The following PTPRS variants were observed in gnomAD, a reference collection of about 807,000 sequenced individuals.
PTPRS encodes protein tyrosine phosphatase receptor type S.
PTPRS carries 63 observed loss-of-function variants against 215.3 expected under a neutral mutation model. The observed-to-expected ratio is 0.29, with a 90% CI of 0.24 to 0.36. PTPRS has a LOEUF of 0.36. Ranked by LOEUF, PTPRS falls within the 10% of genes least tolerant of loss-of-function variation. The probability of loss-of-function intolerance (pLI) is 1.00; values close to 1 mark genes in which losing one functional copy is unlikely to be tolerated. For synonymous variants in PTPRS, 1,404 were observed against 1,191.4 expected, an observed-to-expected ratio of 1.18 and a Z score of -3.68; for missense variants, 2,258 against 2,825.8, an observed-to-expected ratio of 0.80 and a Z score of 4.56.
At position 5,223,209 on chromosome 19, in the gene PTPRS, G is replaced by A. The variant is rs534718138; in HGVS notation, c.2583C>T (p.Asp861=). ...RWEPPAGTAE[D]QVLGYRLQFG... Reference sequence around the variant, plus strand: ...ACTGCAGGCGGTAGCCCAGCACCTGGTCCTCCGCGGTGCCAGCCGGGGGCT... The same window carrying A: ...ACTGCAGGCGGTAGCCCAGCACCTGATCCTCCGCGGTGCCAGCCGGGGGCT... Residue 861 remains aspartate, a synonymous_variant, in exon 18 of 38, where the codon GAC becomes GAT. Coordinates refer to ENST00000262963, the MANE Select transcript of PTPRS (RefSeq NM_002850.4). 1.3e-6 allele frequency: 2 copies of A among 1,516,268 alleles called. No homozygotes were observed. The highest frequency in any genetic ancestry group is 2.8e-5 in the African/African-American group (2 of 70,924). 93.9% of individuals were successfully genotyped at this position (1,516,268 alleles called of 1,614,324 possible). A position where few individuals can be genotyped will look rare whatever the true frequency, so the allele number is the denominator to read the frequency against.
At chr19:5,214,223 G>A (rs747930070) in intron 30 of PTPRS, 138 bp downstream of exon 30, 1 of 1,254,494 alleles carries the variant, frequency 8.0e-7, no homozygotes, top group Non-Finnish European at 1.1e-6. Flanking sequence ...GGTTCCATGA[G>A]AATGTAGTCA....
At chr19:5,313,663 G>A (rs920461585) in intron 1 of PTPRS, among the ~76,000 whole-genome samples, 1 of 152,106 alleles carries the variant, frequency 6.6e-6, no homozygotes, top group Non-Finnish European at 1.5e-5. Flanking sequence ...GGCTGGTGTG[G>A]GCGCTTCTTA....
chr19:5,241,119 C>A (rs1432038090), intron 11 of PTPRS, among the ~76,000 whole-genome samples: 1 of 151,620 alleles, frequency 6.6e-6, no homozygotes, highest in African/African-American at 2.4e-5. Context: ...AAACTCCTGA[C>A]CTCAACTGAT....
chr19:5,296,369 G>A (rs1321768197), intron 1 of PTPRS, among the ~76,000 whole-genome samples: 1 of 152,066 alleles, frequency 6.6e-6, no homozygotes, highest in Non-Finnish European at 1.5e-5. Context: ...GCCTGGTGGC[G>A]CATGACTGTG....
At chr19:5,305,762 TA>T (rs1450013020) in intron 1 of PTPRS, among the ~76,000 whole-genome samples, 2,039 of 110,622 alleles carry the variant, frequency 0.018, 21 homozygotes, top group South Asian at 0.029. Flanking sequence ...TATATATATA[TA>T]TATTTTTTTT....
At chr19:5,315,671 T>C (rs1417179932) in intron 1 of PTPRS, among the ~76,000 whole-genome samples, 1 of 150,778 alleles carries the variant, frequency 6.6e-6, no homozygotes. Context: ...GGCTAGTTTT[T>C]TGCAGAGATG....
intron 2 of PTPRS, among the ~76,000 whole-genome samples, chr19:5,284,363 AAATT>A (rs903115807): frequency 9.0e-5 from 13 of 145,024 alleles, no homozygotes; most frequent in East Asian, 2.0e-4. Context: ...CTGTCACAAA[AAATT>A]AATTAATTAA....
intron 2 of PTPRS, among the ~76,000 whole-genome samples, chr19:5,280,440 C>T (rs1237506423): frequency 3.3e-5 from 5 of 152,162 alleles, no homozygotes; most frequent in Admixed American, 1.3e-4. Context: ...TAGACCTGGC[C>T]GGGCGTGGTG....
At chr19:5,289,462 G>A (rs893107649) in intron 1 of PTPRS, among the ~76,000 whole-genome samples, 5 of 152,122 alleles carry the variant, frequency 3.3e-5, no homozygotes, top group Admixed American at 2.0e-4. Context: ...GTCAGGGCTC[G>A]TCCTTCCTCT....
chr19:5,269,240 G>A (rs530935456), intron 4 of PTPRS, among the ~76,000 whole-genome samples: 50 of 152,202 alleles, frequency 3.3e-4, no homozygotes, highest in African/African-American at 1.2e-3. Context: ...GCCCCGCAGG[G>A]GTCCCCATAA....
At chr19:5,313,375 C>A (rs2049770302) in intron 1 of PTPRS, among the ~76,000 whole-genome samples, 1 of 152,184 alleles carries the variant, frequency 6.6e-6, no homozygotes, top group South Asian at 2.1e-4. Context: ...GAGAGTGGTC[C>A]ATTGCACAGG....
In PTPRS at chr19:5,215,411, G is replaced by T; in HGVS notation, c.4196C>A (p.Ser1399Tyr). ...DSLKLSQEYESIDPGQQFTWE... is the reference protein window; with the variant it reads ...DSLKLSQEYEYIDPGQQFTWE... ...TGTGAACTGCTGTCCAGGGTCGATG[G>T]ACTACAGAGGAAGGGGAGAGCGCGG... Residue 1399 changes from serine (S) to tyrosine (Y), a missense_variant and splice_region_variant, in exon 28 of 38, where the codon TCC becomes TAC. Physicochemically the swap from Ser to Tyr is moderately radical, Grantham distance 144. Transcript: ENST00000262963. The T allele has an allele frequency of 6.2e-7, 1 of 1,613,798 alleles. No homozygotes were observed. The highest frequency in any genetic ancestry group is 8.5e-7 in the Non-Finnish European group (1 of 1,179,864).
At chr19:5,313,940 AAATAAT>A (rs148699840) in intron 1 of PTPRS, among the ~76,000 whole-genome samples, 88,299 of 146,426 alleles carry the variant, frequency 0.6, 28,319 homozygotes, top group African/African-American at 0.84. Flanking sequence ...CTCTCTCCAC[AAATAAT>A]AATAATAATA....
intron 1 of PTPRS, among the ~76,000 whole-genome samples, chr19:5,300,415 C>T (rs1230859531): frequency 1.3e-5 from 2 of 151,946 alleles, no homozygotes; most frequent in Non-Finnish European, 2.9e-5. Flanking sequence ...ACAAAGGGGC[C>T]AGGTCAGTCT....
chr19:5,272,184 A>G (rs2046965792), intron 4 of PTPRS, among the ~76,000 whole-genome samples: 1 of 152,186 alleles, frequency 6.6e-6, no homozygotes, highest in Non-Finnish European at 1.5e-5. Flanking sequence ...TGGTTGGGCA[A>G]GGGTTTGTAG....
rs976186543 is a variant in PTPRS, at chr19:5,294,936, A to T, written c.-94-8702T>A. Among the ~76,000 whole-genome samples the T allele has an allele frequency of 2.0e-5, 3 of 152,124 alleles. No homozygotes were observed. The highest frequency in any genetic ancestry group is 4.4e-5 in the Non-Finnish European group (3 of 68,018). On this transcript the variant is annotated intron_variant, in intron 1 of 37. Coordinates refer to ENST00000262963, the MANE Select transcript of PTPRS (RefSeq NM_002850.4). This position sits in a 1 kb window ranked among gnomAD's most constrained non-coding sequence, Gnocchi z 5.1. Reference sequence around the variant, plus strand: ...CGACGAGGTACACAGTAGGTGCTTCATGGAGGAGGCTGCCTGGTGCCCCAG... The same window carrying T: ...CGACGAGGTACACAGTAGGTGCTTCTTGGAGGAGGCTGCCTGGTGCCCCAG...
intron 11 of PTPRS, among the ~76,000 whole-genome samples, chr19:5,243,175 G>A (rs887978973): frequency 2.0e-5 from 3 of 148,710 alleles, no homozygotes; most frequent in Admixed American, 1.4e-4. Flanking sequence ...TTCACTTGTC[G>A]CCCAGGCTGG....
chr19:5,247,204 T>C (rs955719442), intron 9 of PTPRS, among the ~76,000 whole-genome samples: 78 of 149,172 alleles, frequency 5.2e-4, no homozygotes, highest in African/African-American at 1.9e-3. Context: ...TTAATAATAA[T>C]AATAATAATA....
chr19:5,323,952 A>C (rs2050100684), intron 1 of PTPRS, among the ~76,000 whole-genome samples: 1 of 152,112 alleles, frequency 6.6e-6, no homozygotes, highest in South Asian at 2.1e-4. Flanking sequence ...AATGAAGGCC[A>C]CGTGCAGTGG....
Sources: allele counts gnomAD v4.1 joint callset (sites outside exome capture counted in the v4.1 genomes callset), GRCh38; gene constraint gnomAD v4.1.1; non-coding constraint Gnocchi (gnomAD v3.1); transcripts MANE v1.5; gene names NCBI Gene and HGNC (gene_info 2026-07-23, HGNC 2026-07-21).